The following PARD3B variants were observed in gnomAD, a reference collection of about 807,000 sequenced individuals.
PARD3B encodes the protein par-3 family cell polarity regulator beta.
Under a neutral mutation model 130.2 loss-of-function variants are expected in PARD3B, and 103 were observed. That is an observed-to-expected ratio of 0.79 (90% CI 0.67 to 0.93). PARD3B has a LOEUF of 0.93. Ranked by LOEUF, PARD3B falls within the 40% of genes least tolerant of loss-of-function variation. PARD3B has a pLI of 0.00. For missense variants in PARD3B, 1,609 were observed against 1,499.2 expected, an observed-to-expected ratio of 1.07 and a Z score of -1.21; for synonymous variants, 583 against 553.2, an observed-to-expected ratio of 1.05 and a Z score of -0.76.
chr2:205,228,807 T>C (rs1034502962), intron 15 of PARD3B, among the ~76,000 whole-genome samples: 4 of 142,982 alleles, frequency 2.8e-5, no homozygotes, highest in African/African-American at 1.1e-4. Context: ...TTATTCTTTT[T>C]ATTCTCTGAC....
chr2:204,808,549 A>G (rs748030842), intron 2 of PARD3B, among the ~76,000 whole-genome samples: 2 of 152,056 alleles, frequency 1.3e-5, no homozygotes, highest in Admixed American at 6.6e-5. Context: ...TGAGCTCATC[A>G]TTTAGCTCCC....
chr2:205,019,095 C>G (rs979044437), intron 3 of PARD3B, among the ~76,000 whole-genome samples: 1 of 152,082 alleles, frequency 6.6e-6, no homozygotes, highest in Non-Finnish European at 1.5e-5. Flanking sequence ...TTGAACGATG[C>G]CAGAAAGAAA....
rs963093549 is a variant in PARD3B at position 205,558,323 on chromosome 2, G to A, written c.3260+4920G>A. Among the ~76,000 whole-genome samples, 1 of 152,086 alleles carries A rather than the reference G, an allele frequency of 6.6e-6. No individual in the cohort carries two copies. Among genetic ancestry groups the A allele is most frequent in the African/African-American group, 2.4e-5 (1 of 41,400 alleles). On this transcript the variant is annotated intron_variant, in intron 22 of 22. Transcript: ENST00000406610. The surrounding 1 kb of genome is among the most constrained non-coding windows in gnomAD (Gnocchi z 4.8). ...CTAGCTCCCAGGGCAGACATGGCAT[G>A]ACAGCAGCACCCTATTCGCAGGTGG...
chr2:204,731,507 T>C (rs1473898441), intron 2 of PARD3B, among the ~76,000 whole-genome samples: 2 of 152,176 alleles, frequency 1.3e-5, no homozygotes, highest in African/African-American at 4.8e-5. Flanking sequence ...CAAATTGTAC[T>C]TAGCTTATGT....
At chr2:204,731,767 G>C (rs984693971) in intron 2 of PARD3B, among the ~76,000 whole-genome samples, 1 of 152,142 alleles carries the variant, frequency 6.6e-6, no homozygotes. Flanking sequence ...ATATACAACT[G>C]TTTGTGGCCT....
intron 16 of PARD3B, among the ~76,000 whole-genome samples, chr2:205,275,943 T>C (rs1461416340): frequency 6.6e-6 from 1 of 151,368 alleles, no homozygotes; most frequent in Non-Finnish European, 1.5e-5. Context: ...GTTCAAATGC[T>C]AATACAGGTT....
chr2:205,341,718 G>C lies in PARD3B; in HGVS notation c.2630+40017G>C, dbSNP rs1037129343. 3.3e-5 allele frequency among the ~76,000 whole-genome samples: 5 copies of C among 152,140 alleles called. No individual in the cohort carries two copies. The highest frequency in any genetic ancestry group is 1.2e-4 in the African/African-American group (5 of 41,536). Reference sequence around the variant, plus strand: ...GTATATTTTTCAAAAACCTAGAGGAGAGGATTTTGAATGTTCCCAACACGA... The same window carrying C: ...GTATATTTTTCAAAAACCTAGAGGACAGGATTTTGAATGTTCCCAACACGA... On this transcript the variant is annotated intron_variant, in intron 18 of 22. Coordinates refer to ENST00000406610, the MANE Select transcript of PARD3B (RefSeq NM_001302769.2). The surrounding 1 kb of genome is among the most constrained non-coding windows in gnomAD (Gnocchi z 4.3).
chr2:205,302,053 C>G, intron 18 of PARD3B: 1 of 192,494 alleles, frequency 5.2e-6, no homozygotes, highest in South Asian at 1.5e-4. Context: ...TTCTTTTTTT[C>G]TTTTTTCTTT....
chr2:204,933,014 C>A (rs777108913), intron 2 of PARD3B, among the ~76,000 whole-genome samples: 3 of 152,072 alleles, frequency 2.0e-5, no homozygotes, highest in Non-Finnish European at 2.9e-5. Flanking sequence ...TTCAAGACTC[C>A]CCAGACTGTA....
chr2:204,889,150 G>T (rs1294694417), intron 2 of PARD3B, among the ~76,000 whole-genome samples: 1 of 152,100 alleles, frequency 6.6e-6, no homozygotes, highest in Admixed American at 6.6e-5. Flanking sequence ...CTCTAGATTG[G>T]TTTTCTAGAT....
rs1435420892 is a variant in PARD3B, at chr2:204,675,557, T to G, written c.121-10624T>G. Among the ~76,000 whole-genome samples the G allele has an allele frequency of 6.6e-6, 1 of 152,096 alleles. No individual in the cohort carries two copies. The highest frequency in any genetic ancestry group is 1.5e-5 in the Non-Finnish European group (1 of 67,992). On this transcript the variant is annotated intron_variant, in intron 1 of 22. Coordinates refer to ENST00000406610, the MANE Select transcript of PARD3B (RefSeq NM_001302769.2). The surrounding 1 kb of genome is among the most constrained non-coding windows in gnomAD (Gnocchi z 4.4). ...CAGTACATTTGGAAATAATTAAAATTTGTTCTTTATTAAAAAAAAGCTCTA... is the reference window on the plus strand; with the variant it reads ...CAGTACATTTGGAAATAATTAAAATGTGTTCTTTATTAAAAAAAAGCTCTA...
intron 4 of PARD3B, among the ~76,000 whole-genome samples, chr2:205,056,205 G>A (rs1436334362): frequency 1.3e-5 from 2 of 151,536 alleles, no homozygotes; most frequent in East Asian, 1.9e-4. Context: ...TACGATAGGG[G>A]ACGTTTTTTT....
At chr2:205,381,980 GCA>G (rs1261525204) in intron 18 of PARD3B, among the ~76,000 whole-genome samples, 2 of 151,986 alleles carry the variant, frequency 1.3e-5, no homozygotes, top group African/African-American at 4.8e-5. Flanking sequence ...CAAAGAAGTA[GCA>G]CAGTTTTCAT....
chr2:205,184,235 A>G (rs2035965775), intron 13 of PARD3B, among the ~76,000 whole-genome samples: 1 of 152,132 alleles, frequency 6.6e-6, no homozygotes, highest in Non-Finnish European at 1.5e-5. Flanking sequence ...ATTAACCATC[A>G]TATCCAGCAC....
rs2031009514 is a variant in PARD3B at position 204,557,527 on chromosome 2, T to G, written c.120+11408T>G. Among the ~76,000 whole-genome samples the G allele has an allele frequency of 2.0e-5, 3 of 152,238 alleles. No homozygotes were observed. In the South Asian group the frequency reaches 6.2e-4, roughly 31 times the overall value. ...AGTCTTCTTTATTTTCTTATCTCTG[T>G]TTTTAGCACAGTATTTGATATATAG... is the stretch of plus-strand genomic sequence containing the variant. On this transcript the variant is annotated intron_variant, in intron 1 of 22. Transcript: ENST00000406610.
At chr2:205,195,688 T>C (rs1189624110) in intron 15 of PARD3B, among the ~76,000 whole-genome samples, 1 of 152,240 alleles carries the variant, frequency 6.6e-6, no homozygotes. Flanking sequence ...TTTATAGGAA[T>C]AATCCTAGCA....
rs76546264 is a variant in PARD3B, at chr2:205,199,539, T to C, written c.2140+6219T>C. On this transcript the variant is annotated intron_variant, in intron 15 of 22. Transcript: ENST00000406610. ...CACGTAGTAAAAATCTGAAATAATA[T>C]ATGCAGGAAGAGGTAAACAGCTGCA... Among the ~76,000 whole-genome samples the C allele has an allele frequency of 4.8e-3, 737 of 152,100 alleles. 5 individuals carry two copies. The highest frequency in any genetic ancestry group is 0.017 in the African/African-American group (701 of 41,494).
At chr2:204,724,786 T>A (rs1227297472) in intron 2 of PARD3B, among the ~76,000 whole-genome samples, 9 of 146,998 alleles carry the variant, frequency 6.1e-5, no homozygotes, top group Admixed American at 1.4e-4. Context: ...CTTGAAAGTC[T>A]AATTATGTTG....
At chr2:204,820,322 C>T (rs1169553653) in intron 2 of PARD3B, among the ~76,000 whole-genome samples, 1 of 151,606 alleles carries the variant, frequency 6.6e-6, no homozygotes, top group Non-Finnish European at 1.5e-5. Context: ...AGTGATCCAC[C>T]CCCCTTGGCC....
Sources: allele counts gnomAD v4.1 joint callset (sites outside exome capture counted in the v4.1 genomes callset), GRCh38; gene constraint gnomAD v4.1.1; non-coding constraint Gnocchi (gnomAD v3.1); transcripts MANE v1.5; gene names NCBI Gene and HGNC (gene_info 2026-07-23, HGNC 2026-07-21).